Variants in TRAPPC9 observed in about 807,000 individuals in gnomAD.
TRAPPC9 encodes IKK2 binding protein.
TRAPPC9 carries 83 observed loss-of-function variants against 124.0 expected under a neutral mutation model. The observed-to-expected ratio is 0.67, with a 90% confidence interval of 0.56 to 0.80. The LOEUF is 0.80. TRAPPC9 is among the 30% of genes least tolerant of loss of function. The probability of loss-of-function intolerance (pLI) is 0.00; values close to 1 mark genes in which losing one functional copy is unlikely to be tolerated. For synonymous variants in TRAPPC9, 638 were observed against 617.5 expected, an observed-to-expected ratio of 1.03 and a Z score of -0.49; for missense variants, 1,302 against 1,508.3, an observed-to-expected ratio of 0.86 and a Z score of 2.27.
intron 21 of TRAPPC9, among the ~76,000 whole-genome samples, chr8:139,800,247 T>C (rs928059972): frequency 1.3e-5 from 2 of 152,226 alleles, no homozygotes; most frequent in African/African-American, 4.8e-5. Flanking sequence ...TAGCCACCTA[T>C]GCCAGGACAG....
At chr8:140,069,813 G>T (rs1843057638) in intron 17 of TRAPPC9, among the ~76,000 whole-genome samples, 1 of 152,200 alleles carries the variant, frequency 6.6e-6, no homozygotes, top group Non-Finnish European at 1.5e-5. Context: ...CTCAAAGCCA[G>T]TGAGGCCAGT....
intron 9 of TRAPPC9, among the ~76,000 whole-genome samples, chr8:140,341,704 GAA>G (rs974868179): frequency 3.3e-5 from 5 of 151,454 alleles, no homozygotes; most frequent in African/African-American, 1.2e-4. Context: ...ACTTTGGGAA[GAA>G]AAAAATTTTC....
chr8:140,123,903 G>C (rs904696112), intron 17 of TRAPPC9, among the ~76,000 whole-genome samples: 1 of 152,190 alleles, frequency 6.6e-6, no homozygotes, highest in Non-Finnish European at 1.5e-5. Flanking sequence ...GTGGTAACAA[G>C]CAGCCTCCAA....
Position 140,439,157 on chromosome 8 carries a change from C to T in TRAPPC9, c.625G>A (p.Val209Met), listed in dbSNP as rs1441780911. 20 of 1,614,072 alleles carry T rather than the reference C, an allele frequency of 1.2e-5. No homozygotes were observed. Among genetic ancestry groups the T allele is most frequent in the South Asian group, 3.3e-5 (3 of 91,092 alleles). Residue 209 changes from valine (V) to methionine (M), a missense_variant, in exon 3 of 23, where the codon GTG (valine) becomes ATG (methionine). Val to Met is a conservative substitution (Grantham distance 21). This residue lies in a region of TRAPPC9 where 657 missense variants were observed against 811.2 expected (regional missense o/e 0.81). Transcript: ENST00000438773. The stretch of plus-strand genomic sequence containing the variant: ...CCTGCCTGCAGGCACAGGTCCCCCA[C>T]GTGCTTCCGCATGCGGCCTTGGCAC... ...KRCQGRMRKH[V>M]GDLCLQAGML... is the part of the protein sequence containing the mutation.
intron 16 of TRAPPC9, among the ~76,000 whole-genome samples, chr8:140,240,226 A>G (rs550226953): frequency 6.8e-6 from 1 of 146,758 alleles, no homozygotes; most frequent in East Asian, 2.0e-4. Flanking sequence ...GATAAACATG[A>G]GGCATTTCAG....
In TRAPPC9 at chr8:140,406,624, G is replaced by A. The variant is rs1312243781; in HGVS notation, c.887-926C>T. On this transcript the variant is annotated intron_variant, in intron 5 of 22. Coordinates refer to ENST00000438773, the MANE Select transcript of TRAPPC9 (RefSeq NM_001160372.4). ...CTAATTCTGTAAGCTGCCTCAAAAG[G>A]TTTTTTGGAACAAGACAGAAGAATA... Among the ~76,000 whole-genome samples the A allele has an allele frequency of 2.0e-5, 3 of 152,166 alleles. No individual in the cohort carries two copies. The East Asian group carries it at 5.8e-4, about 29-fold the overall frequency.
intron 5 of TRAPPC9, among the ~76,000 whole-genome samples, chr8:140,422,912 T>C (rs529810810): frequency 2.6e-5 from 4 of 152,162 alleles, no homozygotes; most frequent in South Asian, 2.1e-4. Flanking sequence ...ACGAGGGACA[T>C]GCAAACCAAA....
chr8:139,821,642 A>G (rs1245514985), intron 21 of TRAPPC9, among the ~76,000 whole-genome samples: 1 of 152,260 alleles, frequency 6.6e-6, no homozygotes, highest in Non-Finnish European at 1.5e-5. Flanking sequence ...GCTTTGCATT[A>G]TTTCAATAGT....
rs115135206 is a variant in TRAPPC9, at chr8:139,745,523, G to A, written c.3056-13321C>T. ...GCTCCGCCTTCAGCACGCTCAAAGC[G>A]ATTGGTAGGACAGCGGGTGAGTCGG... On this transcript the variant is annotated intron_variant, in intron 21 of 22. Coordinates refer to ENST00000438773, the MANE Select transcript of TRAPPC9 (RefSeq NM_001160372.4). Among the ~76,000 whole-genome samples, 570 of 152,356 alleles carry A rather than the reference G, an allele frequency of 3.7e-3. 3 individuals are homozygous for A. The highest frequency in any genetic ancestry group is 0.013 in the African/African-American group (548 of 41,592).
intron 13 of TRAPPC9, among the ~76,000 whole-genome samples, chr8:140,285,149 G>A (rs2065447546): frequency 6.6e-6 from 1 of 152,166 alleles, no homozygotes; most frequent in South Asian, 2.1e-4. Context: ...TGTTCCCAAA[G>A]CGGGCTAAAA....
chr8:140,236,566 T>C (rs2063735837), intron 16 of TRAPPC9, among the ~76,000 whole-genome samples: 1 of 152,198 alleles, frequency 6.6e-6, no homozygotes, highest in African/African-American at 2.4e-5. Flanking sequence ...AACATAAAAA[T>C]TCATCAAGCT....
At chr8:139,991,269 C>T (rs887671887) in intron 18 of TRAPPC9, among the ~76,000 whole-genome samples, 13 of 152,326 alleles carry the variant, frequency 8.5e-5, no homozygotes, top group Middle Eastern at 3.4e-3. Flanking sequence ...ACGGTGCTTA[C>T]GAAATGGCAC....
chr8:139,797,774 T>C (rs1823205065), intron 21 of TRAPPC9, among the ~76,000 whole-genome samples: 1 of 152,242 alleles, frequency 6.6e-6, no homozygotes, highest in Non-Finnish European at 1.5e-5. Context: ...TCTATTGAAC[T>C]GTTTGGCAGC....
intron 15 of TRAPPC9, among the ~76,000 whole-genome samples, chr8:140,266,320 G>A (rs115907791): frequency 0.011 from 1,630 of 152,068 alleles, 29 homozygotes; most frequent in African/African-American, 0.037. Flanking sequence ...AAAATTAGCC[G>A]GGTGTGGTGG....
chr8:140,061,594 G>A (rs984481583), intron 17 of TRAPPC9, among the ~76,000 whole-genome samples: 54 of 152,318 alleles, frequency 3.5e-4, no homozygotes, highest in African/African-American at 1.3e-3. Context: ...CAGTCTAGGA[G>A]GCTACCCCAA....
intron 20 of TRAPPC9, among the ~76,000 whole-genome samples, chr8:139,887,147 C>A (rs1038658356): frequency 6.6e-6 from 1 of 151,850 alleles, no homozygotes; most frequent in Non-Finnish European, 1.5e-5. Flanking sequence ...AGCAGCAGGA[C>A]AGGCTAAGGT....
intron 9 of TRAPPC9, among the ~76,000 whole-genome samples, chr8:140,352,393 A>G (rs182195028): frequency 4.6e-5 from 7 of 152,344 alleles, no homozygotes; most frequent in Non-Finnish European, 1.5e-5. Flanking sequence ...GAAGTTTAAG[A>G]TGCTTAAACA....
At chr8:140,174,358 T>C (rs1457731737) in intron 17 of TRAPPC9, among the ~76,000 whole-genome samples, 1 of 150,980 alleles carries the variant, frequency 6.6e-6, no homozygotes, top group Non-Finnish European at 1.5e-5. Flanking sequence ...CTGCACATCC[T>C]GCACATGTAC....
chr8:140,291,200 T>A lies in TRAPPC9; in HGVS notation c.1769-122A>T, dbSNP rs77369667. The stretch of plus-strand genomic sequence containing the variant: ...CAGTGAGGCAGCAGGCTCTATGATC[T>A]TCTTGAGATGGGTGATTCAAAGCTG... On this transcript the variant is annotated intron_variant, in intron 11 of 22. Coordinates refer to ENST00000438773, the MANE Select transcript of TRAPPC9 (RefSeq NM_001160372.4). The A allele has an allele frequency of 8.5e-3, 7,500 of 879,858 alleles. 373 individuals are homozygous for A. In the African/African-American group the frequency reaches 0.1, roughly 12 times the overall value. The allele number at this position is 879,858 out of a possible 1,614,324, so 54.5% of individuals were successfully genotyped here.
Sources: allele counts gnomAD v4.1 joint callset (sites outside exome capture counted in the v4.1 genomes callset), GRCh38; gene constraint gnomAD v4.1.1; regional missense constraint gnomAD v4.1.1; transcripts MANE v1.5; gene names NCBI Gene and HGNC (gene_info 2026-07-23, HGNC 2026-07-21).